The following DTWD2 variants were observed in gnomAD, a reference collection of about 807,000 sequenced individuals.
DTWD2 encodes DTW motif tRNA-uridine aminocarboxypropyltransferase 2, also known as tRNA-uridine aminocarboxypropyltransferase 2.
In DTWD2, 39 loss-of-function variants were observed where a neutral mutation model predicts 31.8. The ratio of observed to expected loss-of-function variants is 1.22; its 90% CI spans 0.95 to 1.60. The LOEUF is 1.60. Ranked by LOEUF, DTWD2 falls within the 40% of genes most tolerant of loss-of-function variation. The probability of loss-of-function intolerance (pLI) is 0.00; values close to 1 mark genes in which losing one functional copy is unlikely to be tolerated. For missense variants in DTWD2, 515 were observed against 381.5 expected (o/e 1.35, Z -2.92); for synonymous variants, 180 against 142.8 (o/e 1.26, Z -1.86).
intron 4 of DTWD2, among the ~76,000 whole-genome samples, chr5:118,909,585 C>A (rs1410425807): frequency 1.3e-5 from 2 of 152,200 alleles, no homozygotes; most frequent in African/African-American, 2.4e-5. Context: ...CAGGGCCCTG[C>A]CACCAGGTTC....
chr5:118,939,029 T>C (rs1425679034), intron 3 of DTWD2, among the ~76,000 whole-genome samples, 167 bp downstream of exon 3: 1 of 152,174 alleles, frequency 6.6e-6, no homozygotes, highest in Non-Finnish European at 1.5e-5. Flanking sequence ...TTTGTTTTGT[T>C]TTGTCTTGTA....
intron 4 of DTWD2, among the ~76,000 whole-genome samples, chr5:118,867,190 T>C (rs576380154): frequency 9.5e-4 from 145 of 152,268 alleles, no homozygotes; most frequent in Admixed American, 2.5e-3. Context: ...AATAATGGAA[T>C]GAGGTAATGA....
At chr5:118,942,654 A>T (rs541159029) in intron 2 of DTWD2, among the ~76,000 whole-genome samples, 1 of 152,116 alleles carries the variant, frequency 6.6e-6, no homozygotes, top group African/African-American at 2.4e-5. Context: ...TACAAAAAAT[A>T]GAAAGAAAAC....
chr5:118,984,222 G>A (rs1270136657), intron 1 of DTWD2, among the ~76,000 whole-genome samples: 1 of 152,110 alleles, frequency 6.6e-6, no homozygotes, highest in East Asian at 1.9e-4. Flanking sequence ...CTGGGTGGCA[G>A]AGGTTGCGGT....
chr5:118,912,340 G>C (rs948264361), intron 4 of DTWD2, among the ~76,000 whole-genome samples: 1 of 152,038 alleles, frequency 6.6e-6, no homozygotes. Flanking sequence ...CTGTACATAA[G>C]ATAGAAAAAA....
chr5:118,935,866 T>C (rs1165745257), intron 3 of DTWD2, among the ~76,000 whole-genome samples: 1 of 152,170 alleles, frequency 6.6e-6, no homozygotes, highest in Non-Finnish European at 1.5e-5. Flanking sequence ...ATACAGAAGA[T>C]TTGAATAACA....
At chr5:118,876,464 T>TA (rs933534821) in intron 4 of DTWD2, among the ~76,000 whole-genome samples, 2 of 151,564 alleles carry the variant, frequency 1.3e-5, no homozygotes, top group Non-Finnish European at 1.5e-5. Flanking sequence ...TGAAAAAATT[T>TA]AAAAAAAGAA....
chr5:118,876,908 G>A (rs1273501127), intron 4 of DTWD2, among the ~76,000 whole-genome samples: 1 of 152,106 alleles, frequency 6.6e-6, no homozygotes, highest in Non-Finnish European at 1.5e-5. Context: ...ACCAAAACCT[G>A]GCAGAGACAC....
intron 1 of DTWD2, among the ~76,000 whole-genome samples, chr5:118,967,585 A>G (rs1462085230): frequency 6.6e-6 from 1 of 152,210 alleles, no homozygotes; most frequent in African/African-American, 2.4e-5. Context: ...AGAGTTCTCA[A>G]TGACCCAGGA....
At chr5:118,901,111 T>C (rs1753201211) in intron 4 of DTWD2, among the ~76,000 whole-genome samples, 1 of 152,082 alleles carries the variant, frequency 6.6e-6, no homozygotes, top group African/African-American at 2.4e-5. Flanking sequence ...ACATTTATAA[T>C]TACTTATCAT....
intron 4 of DTWD2, among the ~76,000 whole-genome samples, chr5:118,861,681 A>T (rs1199318522): frequency 6.6e-6 from 1 of 152,186 alleles, no homozygotes; most frequent in Non-Finnish European, 1.5e-5. Context: ...TAGAAAAGAG[A>T]CTGGGATAAG....
intron 4 of DTWD2, among the ~76,000 whole-genome samples, chr5:118,904,835 A>C (rs987044551): frequency 2.0e-5 from 3 of 152,124 alleles, no homozygotes; most frequent in Non-Finnish European, 4.4e-5. Context: ...CATTCACTAA[A>C]GTCTACAATA....
chr5:118,976,354 A>C (rs900374006), intron 1 of DTWD2, among the ~76,000 whole-genome samples: 3 of 152,150 alleles, frequency 2.0e-5, no homozygotes, highest in Non-Finnish European at 2.9e-5. Flanking sequence ...GAACTGAAGA[A>C]GATAGAGACA....
chr5:118,949,701 G>A (rs13156156), intron 1 of DTWD2, among the ~76,000 whole-genome samples: 91,909 of 151,902 alleles, frequency 0.61, 29,122 homozygotes, highest in East Asian at 0.81. Flanking sequence ...ATGATCATTC[G>A]CCAAGGTAGG....
At chr5:118,936,318 A>G (rs1561462192) in intron 3 of DTWD2, among the ~76,000 whole-genome samples, 1 of 152,142 alleles carries the variant, frequency 6.6e-6, no homozygotes, top group Non-Finnish European at 1.5e-5. Flanking sequence ...GGGGTAAGAT[A>G]CTTTGAGGCC....
rs755475902 is a variant in DTWD2 at position 118,839,204 on chromosome 5, G to T, written c.*1713C>A. 6.6e-6 allele frequency: 1 copy of T among 152,046 alleles called. No homozygotes were observed. Among genetic ancestry groups the T allele is most frequent in the Non-Finnish European group, 1.5e-5 (1 of 67,980 alleles). 9.4% of individuals were successfully genotyped at this position (152,046 alleles called of 1,614,324 possible). A position where few individuals can be genotyped will look rare whatever the true frequency, so the allele number is the denominator to read the frequency against. ...ATAATAATGACTAAAAGAAACTCAT[G>T]AAGTTTAATATCAATGTGAAAAATT... On this transcript the variant is annotated 3_prime_UTR_variant, in exon 6 of 6. Transcript: ENST00000510708.
chr5:118,872,347 C>T (rs935938476), intron 4 of DTWD2, among the ~76,000 whole-genome samples: 1 of 152,212 alleles, frequency 6.6e-6, no homozygotes, highest in Admixed American at 6.5e-5. Flanking sequence ...GTACAAGAGG[C>T]CTAGTTTTCA....
chr5:118,916,313 T>C (rs1753575430), intron 4 of DTWD2, among the ~76,000 whole-genome samples: 1 of 152,226 alleles, frequency 6.6e-6, no homozygotes, highest in South Asian at 2.1e-4. Context: ...TGTTGTTATT[T>C]AGTGGCAGTA....
intron 1 of DTWD2, among the ~76,000 whole-genome samples, chr5:118,982,689 T>A (rs1755331424): frequency 6.8e-6 from 1 of 146,516 alleles, no homozygotes; most frequent in Admixed American, 6.8e-5. Context: ...TTGTTTTCTT[T>A]TTTTTTTTTT....
Sources: allele counts gnomAD v4.1 joint callset (sites outside exome capture counted in the v4.1 genomes callset), GRCh38; gene constraint gnomAD v4.1.1; transcripts MANE v1.5; gene names NCBI Gene and HGNC (gene_info 2026-07-23, HGNC 2026-07-21).